TENM1: variants seen among roughly 807,000 people sequenced by gnomAD.
The protein encoded by TENM1 is teneurin-1.
TENM1 carries 35 observed loss-of-function variants against 174.8 expected under a neutral mutation model. That is an observed-to-expected ratio of 0.20 (90% CI 0.15 to 0.27). TENM1 has a LOEUF of 0.27. Ranked by LOEUF, TENM1 falls within the 10% of genes least tolerant of loss-of-function variation. The pLI is 1.00. For synonymous variants in TENM1, 781 were observed against 798.7 expected, an observed-to-expected ratio of 0.98 and a Z score of 0.37; for missense variants, 1,633 against 2,130.1, an observed-to-expected ratio of 0.77 and a Z score of 4.59.
intron 3 of TENM1, among the ~76,000 whole-genome samples, chrX:124,835,970 C>A (rs1334792540): frequency 9.0e-6 from 1 of 111,608 alleles, no homozygotes; most frequent in African/African-American, 3.3e-5. Context: ...TATGGAAAGG[C>A]TCATGACAGC....
Position 124,377,940 on chromosome X carries a change from C to T in TENM1, c.*2596G>A, listed in dbSNP as rs185346896. The T allele has an allele frequency of 6.2e-3, 696 of 111,692 alleles. 4 individuals carry two copies. Among genetic ancestry groups the T allele is most frequent in the Middle Eastern group, 9.2e-3 (2 of 218 alleles). 9.2% of individuals were successfully genotyped at this position (111,692 alleles called of 1,213,427 possible). On this transcript the variant is annotated 3_prime_UTR_variant, in exon 32 of 32. Transcript: ENST00000422452. ...ATATACTCAATATCTCCATCTTCTT[C>T]TTAAGAAATGCCAAAATGTTTCTCT...
chrX:124,482,137 G>C (rs1416098661), intron 21 of TENM1, among the ~76,000 whole-genome samples, 173 bp from the exon 25 acceptor site: 1 of 110,536 alleles, frequency 9.0e-6, no homozygotes, highest in Non-Finnish European at 1.9e-5. Context: ...GTGGGTCTAG[G>C]TATGAAACAA....
chrX:125,067,277 C>A, the TENM1 span, among the ~76,000 whole-genome samples: 1 of 110,931 alleles, frequency 9.0e-6, no homozygotes, highest in Non-Finnish European at 1.9e-5. Flanking sequence ...TGGGAAAAAT[C>A]CAATCTTATC....
chrX:124,421,700 A>G (rs1457717191), intron 24 of TENM1, among the ~76,000 whole-genome samples: 1 of 109,669 alleles, frequency 9.1e-6, no homozygotes, highest in Non-Finnish European at 1.9e-5. Flanking sequence ...AAAGCAATGT[A>G]TCTAGCAGAC....
chrX:124,893,241 A>G (rs1213878536), intron 3 of TENM1, among the ~76,000 whole-genome samples: 2 of 112,359 alleles, frequency 1.8e-5, no homozygotes, highest in Non-Finnish European at 3.8e-5. Flanking sequence ...TACAGAACAG[A>G]GCAGGGAAAA....
intron 5 of TENM1, among the ~76,000 whole-genome samples, chrX:124,685,561 G>GTTTTTTTTTTTTTTTTTTT (rs201481902): frequency 2.1e-5 from 2 of 94,483 alleles, no homozygotes; most frequent in African/African-American, 4.0e-5. Flanking sequence ...AAGCAAATCT[G>GTTTTTTTTTTTTTTTTTTT]TTTTTTTTTT....
intron 23 of TENM1, among the ~76,000 whole-genome samples, chrX:124,449,536 A>G (rs1159772117): frequency 1.8e-5 from 2 of 112,367 alleles, no homozygotes; most frequent in Non-Finnish European, 3.8e-5. Context: ...GCAATACTAA[A>G]TGCCCTATTT....
chrX:124,801,162 T>C lies in TENM1; in HGVS notation c.536-63965A>G, dbSNP rs138671918. On this transcript the variant is annotated intron_variant, in intron 3 of 31. Transcript: ENST00000422452. ...GTCCAGAATATCCTTGTTAATTTTA[T>C]GTCTCATTGATCTGTATAATATTGA... Among the ~76,000 whole-genome samples the C allele has an allele frequency of 8.6e-3, 960 of 111,870 alleles. 10 individuals are homozygous for C. Among genetic ancestry groups the C allele is most frequent in the African/African-American group, 0.03 (912 of 30,747 alleles).
At chrX:124,506,637 T>C (rs2047454531) in intron 18 of TENM1, among the ~76,000 whole-genome samples, 1 of 111,386 alleles carries the variant, frequency 9.0e-6, no homozygotes, top group Admixed American at 9.6e-5. Flanking sequence ...TAGCTGTGTG[T>C]CGGGGTATTT....
intron 3 of TENM1, among the ~76,000 whole-genome samples, chrX:124,811,494 A>G (rs1207243283): frequency 8.9e-6 from 1 of 111,952 alleles, no homozygotes; most frequent in African/African-American, 3.2e-5. Flanking sequence ...GATGGCTATT[A>G]TAAAAAAAGA....
chrX:124,827,892 C>A (rs1210752240), intron 3 of TENM1, among the ~76,000 whole-genome samples: 1 of 111,585 alleles, frequency 9.0e-6, no homozygotes. Flanking sequence ...ATATTTAACA[C>A]AGGCTTAAAG....
At chrX:125,060,652 C>T in the TENM1 span, among the ~76,000 whole-genome samples, 17 of 110,518 alleles carry the variant, frequency 1.5e-4, 1 homozygote, top group East Asian at 1.1e-3. Flanking sequence ...GTGTCTTGTT[C>T]ACATTCTAGC....
At chrX:124,799,237 A>G (rs1336177569) in intron 3 of TENM1, among the ~76,000 whole-genome samples, 1 of 111,083 alleles carries the variant, frequency 9.0e-6, no homozygotes, top group South Asian at 3.8e-4. Flanking sequence ...AAGAATGTCA[A>G]TGGTAGTTTA....
chrX:124,774,553 C>T (rs1012278352), intron 3 of TENM1, among the ~76,000 whole-genome samples: 2 of 111,245 alleles, frequency 1.8e-5, no homozygotes, highest in African/African-American at 6.5e-5. Context: ...AAGCATGACC[C>T]GTCAGTAGGA....
intron 3 of TENM1, among the ~76,000 whole-genome samples, chrX:124,876,978 T>C (rs751582563): frequency 3.6e-5 from 4 of 112,364 alleles, no homozygotes; most frequent in Non-Finnish European, 5.6e-5. Flanking sequence ...AATTGGTTCT[T>C]GAATTTATTA....
At chrX:124,731,422 G>A (rs1165744982) in intron 4 of TENM1, among the ~76,000 whole-genome samples, 1 of 111,779 alleles carries the variant, frequency 8.9e-6, no homozygotes, top group Non-Finnish European at 1.9e-5. Flanking sequence ...TATAATAAAT[G>A]AATTAAAATT....
the TENM1 span, among the ~76,000 whole-genome samples, chrX:125,047,835 T>C: frequency 9.0e-6 from 1 of 111,600 alleles, no homozygotes; most frequent in Admixed American, 9.6e-5. Context: ...CTCCACCTTT[T>C]AATTTTTAGG....
chrX:125,079,240 T>C, the TENM1 span, among the ~76,000 whole-genome samples: 1 of 111,586 alleles, frequency 9.0e-6, no homozygotes, highest in African/African-American at 3.3e-5. Context: ...GTTTCATTTA[T>C]AAAGAGAGTG....
intron 11 of TENM1, among the ~76,000 whole-genome samples, chrX:124,613,944 C>T (rs1378035176): frequency 1.8e-5 from 2 of 111,624 alleles, no homozygotes; most frequent in East Asian, 5.7e-4. Flanking sequence ...AAGCTGGGTG[C>T]CTAGAATGCC....
Sources: gnomAD v4.1 joint callset for allele counts (sites outside exome capture counted in the v4.1 genomes callset) on GRCh38, gnomAD v4.1.1 for gene constraint, MANE v1.5 for transcripts, NCBI Gene and HGNC (gene_info 2026-07-23, HGNC 2026-07-21) for gene names.